Variants in FAM83B observed in about 807,000 individuals in gnomAD.
The protein encoded by FAM83B is scaffolding CK1 anchoring protein B.
A neutral mutation model predicts 38.8 loss-of-function variants in FAM83B; 26 were observed. The ratio of observed to expected loss-of-function variants is 0.67; its 90% CI spans 0.49 to 0.93. The LOEUF (loss-of-function observed/expected upper bound fraction) is 0.93. Among genes scored for constraint, FAM83B ranks in the 40% least tolerant of loss-of-function variants. The pLI is 0.00. For missense variants in FAM83B, 1,237 were observed against 1,197.3 expected, an observed-to-expected ratio of 1.03 and a Z score of -0.49; for synonymous variants, 419 against 423.1, an observed-to-expected ratio of 0.99 and a Z score of 0.12.
At chr6:54,892,665 A>G (rs980304458) in intron 2 of FAM83B, among the ~76,000 whole-genome samples, 7 of 150,008 alleles carry the variant, frequency 4.7e-5, no homozygotes, top group Non-Finnish European at 1.0e-4. Context: ...ACTCTTCTCC[A>G]TCTCCTCCTA....
intron 2 of FAM83B, among the ~76,000 whole-genome samples, chr6:54,902,683 T>C (rs1285685414): frequency 6.6e-6 from 1 of 152,140 alleles, no homozygotes; most frequent in Non-Finnish European, 1.5e-5. Context: ...TCCCCTTATT[T>C]TGTGTAAATG....
chr6:54,901,369 A>G (rs966394778), intron 2 of FAM83B, among the ~76,000 whole-genome samples: 2 of 152,152 alleles, frequency 1.3e-5, no homozygotes, highest in African/African-American at 2.4e-5. Context: ...AAAAACAACA[A>G]CACTGTATCT....
At chr6:54,886,641 A>G (rs892175138) in intron 2 of FAM83B, among the ~76,000 whole-genome samples, 1 of 151,936 alleles carries the variant, frequency 6.6e-6, no homozygotes, top group African/African-American at 2.4e-5. Flanking sequence ...CATCCTTCAT[A>G]TTGGAGGTTT....
chr6:54,922,754 T>C (rs1041840902), intron 2 of FAM83B, among the ~76,000 whole-genome samples: 1 of 152,032 alleles, frequency 6.6e-6, no homozygotes, highest in Non-Finnish European at 1.5e-5. Context: ...ACACTGTAAT[T>C]AGCGTAAATA....
chr6:54,900,051 A>G (rs756584764), intron 2 of FAM83B, among the ~76,000 whole-genome samples: 26 of 152,236 alleles, frequency 1.7e-4, no homozygotes, highest in African/African-American at 2.7e-4. Context: ...AAAACACAGT[A>G]TCACATTTCA....
rs565283190 is a variant in FAM83B, at chr6:54,895,782, C to T, written c.444+25092C>T. The stretch of plus-strand genomic sequence containing the variant: ...TTGAGATGGCGTCTCGCTCTGTTAC[C>T]CAGGCTGGAGTGCAGTGGGGTGATC... On this transcript the variant is annotated intron_variant, in intron 2 of 4. Coordinates refer to ENST00000306858, the MANE Select transcript of FAM83B (RefSeq NM_001010872.3). Among the ~76,000 whole-genome samples the T allele has an allele frequency of 2.0e-5, 3 of 152,040 alleles. No homozygotes were observed. In the East Asian group the frequency reaches 5.8e-4, roughly 30 times the overall value.
At chr6:54,915,272 T>C in intron 2 of FAM83B, among the ~76,000 whole-genome samples, 1 of 152,204 alleles carries the variant, frequency 6.6e-6, no homozygotes. Flanking sequence ...ATACTACTTT[T>C]GAATTTTAAG....
intron 1 of FAM83B, among the ~76,000 whole-genome samples, chr6:54,859,205 G>A (rs1771519374): frequency 6.6e-6 from 1 of 151,928 alleles, no homozygotes; most frequent in Non-Finnish European, 1.5e-5. Context: ...GGGATTACAG[G>A]TACCCACCAC....
At position 54,901,357 on chromosome 6, in the gene FAM83B, A is replaced by T. The variant is rs193257735; in HGVS notation, c.445-25014A>T. On this transcript the variant is annotated intron_variant, in intron 2 of 4. Transcript: ENST00000306858. ...AGGTTTACAAAGTTTCTCACGATTT[A>T]AAAAAACAACAACACTGTATCTTAT... Among the ~76,000 whole-genome samples, 49 of 152,294 alleles carry T rather than the reference A, an allele frequency of 3.2e-4. 1 individual carries two copies. Among genetic ancestry groups the T allele is most frequent in the Admixed American group, 2.1e-3 (32 of 15,290 alleles).
chr6:54,936,658 T>A (rs1165164400), intron 4 of FAM83B, among the ~76,000 whole-genome samples: 1 of 151,838 alleles, frequency 6.6e-6, no homozygotes, highest in African/African-American at 2.4e-5. Context: ...AACTAGAACA[T>A]GACCCTTATT....
intron 4 of FAM83B, among the ~76,000 whole-genome samples, chr6:54,932,007 C>CT (rs377085448): frequency 0.33 from 29,334 of 88,904 alleles, 6,577 homozygotes; most frequent in East Asian, 0.77. Context: ...TTACATAAAA[C>CT]TTTTTTTTTT....
At chr6:54,896,097 G>T (rs1772526066) in intron 2 of FAM83B, among the ~76,000 whole-genome samples, 1 of 152,010 alleles carries the variant, frequency 6.6e-6, no homozygotes, top group African/African-American at 2.4e-5. Context: ...TCACCATGTT[G>T]GCCTGGCTGG....
intron 1 of FAM83B, among the ~76,000 whole-genome samples, chr6:54,857,527 C>G (rs9475048): frequency 2.0e-5 from 3 of 152,092 alleles, no homozygotes; most frequent in Middle Eastern, 3.4e-3. Flanking sequence ...AGGGGTAGGT[C>G]GACAGATCTC....
Position 54,926,039 on chromosome 6 carries a change from G to T in FAM83B, c.445-332G>T, listed in dbSNP as rs553872857. On this transcript the variant is annotated intron_variant, in intron 2 of 4. Coordinates refer to ENST00000306858, the MANE Select transcript of FAM83B (RefSeq NM_001010872.3). ...TGCCTCTTAGAAAAATTGTAACACT[G>T]GTTTCCACCTTGTCCTGTTTGTCTA... 2.1e-3 allele frequency among the ~76,000 whole-genome samples: 324 copies of T among 152,128 alleles called. 4 individuals are homozygous for T. The highest frequency in any genetic ancestry group is 2.8e-4 in the Non-Finnish European group (19 of 68,016).
At chr6:54,879,356 A>C (rs952097396) in intron 2 of FAM83B, among the ~76,000 whole-genome samples, 1 of 152,218 alleles carries the variant, frequency 6.6e-6, no homozygotes, top group Non-Finnish European at 1.5e-5. Flanking sequence ...CCAGGACCTA[A>C]TAAAACAGGA....
intron 2 of FAM83B, among the ~76,000 whole-genome samples, chr6:54,901,220 G>T (rs1772653432): frequency 6.6e-6 from 1 of 152,074 alleles, no homozygotes. Flanking sequence ...GACAACTGTT[G>T]TACTCCTCTT....
intron 2 of FAM83B, among the ~76,000 whole-genome samples, chr6:54,880,135 A>G (rs1353177010): frequency 6.6e-6 from 1 of 152,244 alleles, no homozygotes; most frequent in Admixed American, 6.5e-5. Context: ...GCACTCTGCT[A>G]ATTCATACAG....
In FAM83B at chr6:54,940,681, T is replaced by C; in HGVS notation, c.1710T>C (p.Gly570=). ...GCTCCTCAAATTCAACTATCATTGG[T>C]TCTCAGGGAAGTGAGACACCTAAAG... The part of the protein sequence containing the change: ...TTGSSNSTII[G]SQGSETPKEV... Residue 570 remains glycine (G), a synonymous_variant, in exon 5 of 5, where the codon GGT becomes GGC. Transcript: ENST00000306858. 6.2e-7 allele frequency: 1 copy of C among 1,614,000 alleles called. No homozygotes were observed. The highest frequency in any genetic ancestry group is 1.1e-5 in the South Asian group (1 of 91,078).
At chr6:54,930,651 AG>A (rs1446065866) in intron 4 of FAM83B, among the ~76,000 whole-genome samples, 2 of 152,120 alleles carry the variant, frequency 1.3e-5, no homozygotes, top group Non-Finnish European at 2.9e-5. Flanking sequence ...GCTGCTGAGA[AG>A]TTTCAGCAAT....
Sources: allele counts gnomAD v4.1 joint callset (sites outside exome capture counted in the v4.1 genomes callset), GRCh38; gene constraint gnomAD v4.1.1; transcripts MANE v1.5; gene names NCBI Gene and HGNC (gene_info 2026-07-23, HGNC 2026-07-21).